CACNA1C: variants seen among roughly 807,000 people sequenced by gnomAD.
The protein encoded by CACNA1C is voltage-dependent L-type calcium channel subunit alpha-1C.
A neutral mutation model predicts 229.0 loss-of-function variants in CACNA1C; 30 were observed. That is an observed-to-expected ratio of 0.13 (90% CI 0.10 to 0.18). The LOEUF is 0.18. Among genes scored for constraint, CACNA1C ranks in the 10% least tolerant of loss-of-function variants. CACNA1C has a pLI of 1.00. For synonymous variants in CACNA1C, 1,114 were observed against 1,132.5 expected (o/e 0.98, Z 0.33); for missense variants, 1,658 against 2,845.0 (o/e 0.58, Z 9.49).
intron 3 of CACNA1C, among the ~76,000 whole-genome samples, chr12:2,397,692 G>A (rs2098607886): frequency 6.6e-6 from 1 of 152,212 alleles, no homozygotes; most frequent in South Asian, 2.1e-4. Flanking sequence ...CAGCAAAGCT[G>A]GTGAGGATGG....
chr12:2,320,073 C>T (rs2095897786), intron 3 of CACNA1C, among the ~76,000 whole-genome samples: 1 of 152,180 alleles, frequency 6.6e-6, no homozygotes, highest in South Asian at 2.1e-4. Flanking sequence ...GGCCTCTTCT[C>T]CAGCCCCGGG....
At chr12:2,300,487 G>A (rs954489350) in intron 3 of CACNA1C, among the ~76,000 whole-genome samples, 5 of 152,104 alleles carry the variant, frequency 3.3e-5, no homozygotes, top group African/African-American at 1.2e-4. Flanking sequence ...TTAGCTGGGC[G>A]TGGTGGCATG....
chr12:2,667,540 C>CA (rs1491019583), intron 37 of CACNA1C, among the ~76,000 whole-genome samples: 1 of 150,732 alleles, frequency 6.6e-6, no homozygotes, highest in Non-Finnish European at 1.5e-5. Flanking sequence ...AACAAACAAA[C>CA]AACAACAACA....
rs73605783 is a variant in CACNA1C, at chr12:2,347,304, T to C, written c.478-101672T>C. The stretch of plus-strand genomic sequence containing the variant: ...AGATGTACCAGCACCCATGGTTGCC[T>C]GTCTTCCCGATCATACGGTTTACAT... On this transcript the variant is annotated intron_variant, in intron 3 of 46. Coordinates refer to ENST00000399655, the MANE Select transcript of CACNA1C (RefSeq NM_000719.7). Among the ~76,000 whole-genome samples, 313 of 152,362 alleles carry C rather than the reference T, an allele frequency of 2.1e-3. 1 individual carries two copies. Among genetic ancestry groups the C allele is most frequent in the African/African-American group, 7.1e-3 (294 of 41,592 alleles).
chr12:1,982,820 T>C (rs1183371910), intron 1 of CACNA1C, among the ~76,000 whole-genome samples: 2 of 152,168 alleles, frequency 1.3e-5, no homozygotes, highest in African/African-American at 4.8e-5. Flanking sequence ...TGGAAAATAA[T>C]ACCTCTTCTA....
At chr12:2,462,382 C>CCTT in intron 5 of CACNA1C, among the ~76,000 whole-genome samples, 1 of 152,166 alleles carries the variant, frequency 6.6e-6, no homozygotes, top group African/African-American at 2.4e-5. Context: ...CCTCGGCCCC[C>CCTT]GCTGATGCCA....
intron 3 of CACNA1C, chr12:2,288,933 A>C (rs530402095): frequency 9.8e-5 from 15 of 152,300 alleles, no homozygotes; most frequent in South Asian, 4.1e-4. Context: ...CTGTTCTCCA[A>C]CTCAGCCTGC....
rs544567185 is a variant in CACNA1C, at chr12:2,429,836, T to C, written c.478-19140T>C. Among the ~76,000 whole-genome samples the C allele has an allele frequency of 1.8e-4, 28 of 152,318 alleles. No individual in the cohort carries two copies. The South Asian group carries it at 5.8e-3, about 32-fold the overall frequency. ...TCTTAGGTGATGAGGAAGAGTAGTT[T>C]CCACAAGCTCATGAGTTCAGGCCAA... On this transcript the variant is annotated intron_variant, in intron 3 of 46. Coordinates refer to ENST00000399655, the MANE Select transcript of CACNA1C (RefSeq NM_000719.7).
At chr12:2,603,252 T>C (rs946615319) in intron 22 of CACNA1C, 16 of 152,224 alleles carry the variant, frequency 1.1e-4, no homozygotes, top group Non-Finnish European at 1.5e-5. Context: ...CCTTCCATTG[T>C]GATTCGGTGC....
At chr12:2,396,301 A>G (rs770466962) in intron 3 of CACNA1C, among the ~76,000 whole-genome samples, 1 of 152,196 alleles carries the variant, frequency 6.6e-6, no homozygotes, top group African/African-American at 2.4e-5. Flanking sequence ...AAACATGGAA[A>G]TATTTTTGCA....
chr12:2,260,300 A>T (rs2079569066), intron 3 of CACNA1C, among the ~76,000 whole-genome samples: 1 of 151,920 alleles, frequency 6.6e-6, no homozygotes, highest in East Asian at 1.9e-4. Context: ...AGATGGTGGG[A>T]CCTTGTCTCT....
chr12:2,008,890 C>T (rs2043926737), intron 1 of CACNA1C, among the ~76,000 whole-genome samples: 1 of 152,168 alleles, frequency 6.6e-6, no homozygotes, highest in Non-Finnish European at 1.5e-5. Flanking sequence ...AAGCTCTGAC[C>T]TTCTAGGATG....
intron 5 of CACNA1C, among the ~76,000 whole-genome samples, chr12:2,463,482 G>A (rs1291123910): frequency 6.6e-6 from 1 of 152,128 alleles, no homozygotes; most frequent in Admixed American, 6.5e-5. Context: ...ATAAAAATTG[G>A]AGCTGTCAAA....
intron 30 of CACNA1C, 38 bp from the exon 31 acceptor site, chr12:2,648,437 A>G: frequency 6.2e-7 from 1 of 1,603,260 alleles, no homozygotes; most frequent in South Asian, 1.1e-5. Context: ...TTCATGGGAG[A>G]CTCATTACAG....
At chr12:2,492,756 C>T (rs1227689070) in intron 6 of CACNA1C, among the ~76,000 whole-genome samples, 1 of 152,138 alleles carries the variant, frequency 6.6e-6, no homozygotes, top group Non-Finnish European at 1.5e-5. Context: ...TCTGGTATTC[C>T]AATACAAGTG....
chr12:2,636,878 C>T (rs1382353676), intron 30 of CACNA1C, among the ~76,000 whole-genome samples: 2 of 152,216 alleles, frequency 1.3e-5, no homozygotes, highest in African/African-American at 4.8e-5. Context: ...TCCTCCCATA[C>T]TGAGATGCTC....
rs950466209 is a variant in CACNA1C, at chr12:2,486,848, G to A, written c.916+586G>A. 3.3e-5 allele frequency among the ~76,000 whole-genome samples: 5 copies of A among 152,160 alleles called. No individual in the cohort carries two copies. Among genetic ancestry groups the A allele is most frequent in the African/African-American group, 1.2e-4 (5 of 41,424 alleles). On this transcript the variant is annotated intron_variant, in intron 6 of 46. Coordinates refer to ENST00000399655, the MANE Select transcript of CACNA1C (RefSeq NM_000719.7). The surrounding 1 kb of genome is among the most constrained non-coding windows in gnomAD (Gnocchi z 4.9). ...GGCAGGTGGGAATCACCCCCTTGCC[G>A]GCAGCCAAACTTCCTCCCTTCAAGG...
At chr12:2,529,833 C>T (rs555989379) in intron 9 of CACNA1C, among the ~76,000 whole-genome samples, 8 of 152,336 alleles carry the variant, frequency 5.3e-5, no homozygotes, top group Admixed American at 3.9e-4. Context: ...TATCCTTTCT[C>T]AGGAAGGCCA....
In CACNA1C at chr12:2,680,134, CG is replaced by C. The variant is rs1367284635; in HGVS notation, c.5444+339del. 8.5e-5 allele frequency among the ~76,000 whole-genome samples: 13 copies of C among 152,296 alleles called. 1 individual carries two copies. In the South Asian group the frequency reaches 2.5e-3, roughly 29 times the overall value. On this transcript the variant is annotated intron_variant, in intron 42 of 46. Transcript: ENST00000399655. ...AGAAACCATCCCGTCTGCCCTTCCC[CG>C]AGTCTCTGCCCAAACCTGGCCTTTC...
Sources: gnomAD v4.1 joint callset for allele counts (sites outside exome capture counted in the v4.1 genomes callset) on GRCh38, gnomAD v4.1.1 for gene constraint, Gnocchi (gnomAD v3.1) non-coding constraint, MANE v1.5 for transcripts, NCBI Gene and HGNC (gene_info 2026-07-23, HGNC 2026-07-21) for gene names.